The following CACNA1E variants were observed in gnomAD, a reference collection of about 807,000 sequenced individuals.
CACNA1E encodes the protein voltage-dependent R-type calcium channel subunit alpha-1E.
In CACNA1E, 40 loss-of-function variants were observed where a neutral mutation model predicts 259.2. The observed-to-expected ratio is 0.15, with a 90% CI of 0.12 to 0.20. The LOEUF is 0.20. Among genes scored for constraint, CACNA1E ranks in the 10% least tolerant of loss-of-function variants. The pLI is 1.00. For missense variants in CACNA1E, 1,874 were observed against 3,040.1 expected (o/e 0.62, Z 9.02); for synonymous variants, 1,104 against 1,138.5 (o/e 0.97, Z 0.61).
At chr1:181,476,006 G>C (rs767353353) in intron 2 of CACNA1E, among the ~76,000 whole-genome samples, 1 of 152,152 alleles carries the variant, frequency 6.6e-6, no homozygotes, top group Non-Finnish European at 1.5e-5. Context: ...CTACAGGTGA[G>C]AGCAGTAAGA....
intron 7 of CACNA1E, among the ~76,000 whole-genome samples, chr1:181,674,265 C>T (rs548755033): frequency 1.5e-4 from 22 of 150,116 alleles, no homozygotes; most frequent in Middle Eastern, 3.5e-3. Flanking sequence ...TGGCAGCGTG[C>T]GCCTCTAGTC....
intron 6 of CACNA1E, among the ~76,000 whole-genome samples, chr1:181,585,719 G>A (rs1384422531): frequency 6.6e-6 from 1 of 152,184 alleles, no homozygotes; most frequent in East Asian, 1.9e-4. Context: ...AGAGTCTCCT[G>A]AGTCCCAGAT....
At chr1:181,538,657 G>A (rs1240419887) in intron 3 of CACNA1E, among the ~76,000 whole-genome samples, 1 of 152,082 alleles carries the variant, frequency 6.6e-6, no homozygotes, top group East Asian at 1.9e-4. Context: ...GAAGGTGACT[G>A]TGTTTGGGAA....
At chr1:181,507,425 G>A (rs528368722) in intron 1 of CACNA1E, among the ~76,000 whole-genome samples, 3 of 152,340 alleles carry the variant, frequency 2.0e-5, no homozygotes, top group Admixed American at 6.5e-5. Flanking sequence ...GAGCTTAAAG[G>A]TCCTTATAGG....
intron 2 of CACNA1E, among the ~76,000 whole-genome samples, chr1:181,454,851 G>T (rs1661364206): frequency 6.6e-6 from 1 of 150,634 alleles, no homozygotes; most frequent in African/African-American, 2.5e-5. Flanking sequence ...GCCAAGACAT[G>T]CAAAGTTGAA....
chr1:181,548,621 G>C (rs1647789229), intron 3 of CACNA1E, among the ~76,000 whole-genome samples: 2 of 152,202 alleles, frequency 1.3e-5, no homozygotes, highest in Non-Finnish European at 2.9e-5. Context: ...TATGAATAAT[G>C]ACAGAGTTAA....
At chr1:181,342,497 A>G (rs1349929152) in intron 1 of CACNA1E, among the ~76,000 whole-genome samples, 1 of 152,224 alleles carries the variant, frequency 6.6e-6, no homozygotes, top group African/African-American at 2.4e-5. Context: ...TTGTCATATG[A>G]CAATAAGAAT....
chr1:181,794,071 A>T (rs956414350), intron 45 of CACNA1E, among the ~76,000 whole-genome samples: 1 of 152,204 alleles, frequency 6.6e-6, no homozygotes, highest in Non-Finnish European at 1.5e-5. Context: ...AATATTTTCC[A>T]GGATTTTCTC....
intron 2 of CACNA1E, among the ~76,000 whole-genome samples, chr1:181,457,761 C>T (rs1433737604): frequency 1.3e-5 from 2 of 152,212 alleles, no homozygotes; most frequent in Admixed American, 6.5e-5. Context: ...TGAAGTTGAA[C>T]GAATGTCTGA....
At chr1:181,771,231 T>G in intron 35 of CACNA1E, 62 bp from the exon 36 acceptor site, 1 of 928,354 alleles carries the variant, frequency 1.1e-6, no homozygotes, top group African/African-American at 1.6e-5. Flanking sequence ...CCAACCCTCA[T>G]GTGCTGGACA....
chr1:181,722,712 T>C (rs1387872834), intron 16 of CACNA1E, among the ~76,000 whole-genome samples: 1 of 152,112 alleles, frequency 6.6e-6, no homozygotes, highest in Non-Finnish European at 1.5e-5. Flanking sequence ...TTTTGGGGAG[T>C]TGGGTTGGCC....
chr1:181,655,781 C>CT (rs1659158726), intron 7 of CACNA1E, among the ~76,000 whole-genome samples: 1 of 152,096 alleles, frequency 6.6e-6, no homozygotes, highest in Non-Finnish European at 1.5e-5. Flanking sequence ...TCTAAAAATG[C>CT]TATCTGTAAG....
Position 181,733,463 on chromosome 1 carries a change from G to T in CACNA1E, c.2975G>T (p.Gly992Val), listed in dbSNP as rs1391271201. 1.3e-6 allele frequency: 2 copies of T among 1,550,716 alleles called. No individual in the cohort carries two copies. Among genetic ancestry groups the T allele is most frequent in the African/African-American group, 1.4e-5 (1 of 73,302 alleles). ...RRTNSLMVSR[G>V]SGLAGGLDEA... ...ACCAACAGTCTGATGGTGTCCAGAG[G>T]CTCCGGGCTGGCAGGAGGCCTTGAT... Residue 992 changes from glycine (G) to valine (V), a missense_variant, in exon 21 of 48, where the codon GGC (glycine) becomes GTC (valine). Transcript: ENST00000367573.
At chr1:181,752,278 T>A (rs1657661507) in intron 27 of CACNA1E, 39 bp downstream of exon 27, 1 of 1,404,948 alleles carries the variant, frequency 7.1e-7, no homozygotes, top group Non-Finnish European at 1.0e-6. Context: ...AATCCCCTTC[T>A]CCCATCTTCT....
chr1:181,713,528 G>A (rs1051040397), intron 8 of CACNA1E, among the ~76,000 whole-genome samples: 3 of 152,146 alleles, frequency 2.0e-5, no homozygotes, highest in Admixed American at 1.3e-4. Flanking sequence ...GCCTTAAAAT[G>A]TTCCCCTCCC....
chr1:181,498,034 A>G (rs1298970031), intron 1 of CACNA1E, among the ~76,000 whole-genome samples: 1 of 152,194 alleles, frequency 6.6e-6, no homozygotes, highest in Non-Finnish European at 1.5e-5. Flanking sequence ...TGGTTTGGAA[A>G]TGCCAGTTCC....
chr1:181,409,953 A>T (rs1318791957), intron 1 of CACNA1E, among the ~76,000 whole-genome samples: 1 of 152,154 alleles, frequency 6.6e-6, no homozygotes, highest in Admixed American at 6.5e-5. Context: ...GGGATGGGTC[A>T]GGAAACAGAG....
intron 15 of CACNA1E, among the ~76,000 whole-genome samples, chr1:181,721,170 G>T (rs1654379953): frequency 1.3e-5 from 2 of 152,074 alleles, no homozygotes; most frequent in Non-Finnish European, 2.9e-5. Flanking sequence ...AAATCTAGGG[G>T]CATCTTCTAA....
intron 2 of CACNA1E, among the ~76,000 whole-genome samples, chr1:181,421,010 A>G (rs1406634569): frequency 6.6e-6 from 1 of 152,158 alleles, no homozygotes; most frequent in African/African-American, 2.4e-5. Flanking sequence ...AAAAACAACA[A>G]CAACAACAGC....
Sources: allele counts gnomAD v4.1 joint callset (sites outside exome capture counted in the v4.1 genomes callset), GRCh38; gene constraint gnomAD v4.1.1; transcripts MANE v1.5; gene names NCBI Gene and HGNC (gene_info 2026-07-23, HGNC 2026-07-21).